The following EPHX1 variants were observed in gnomAD, a reference collection of about 807,000 sequenced individuals.
The protein encoded by EPHX1 is epoxide hydratase.
In EPHX1, 40 loss-of-function variants were observed where a neutral mutation model predicts 43.2. The observed-to-expected ratio is 0.93, with a 90% confidence interval of 0.72 to 1.21. EPHX1 has a LOEUF of 1.21. Among genes scored for constraint, EPHX1 ranks in the 50% most tolerant of loss-of-function variants. The pLI, the probability that EPHX1 is intolerant of heterozygous loss-of-function variation, is 0.00. For synonymous variants in EPHX1, 221 were observed against 226.7 expected (o/e 0.98, Z 0.22); for missense variants, 550 against 570.4 (o/e 0.96, Z 0.36).
chr1:225,827,234 C>T (rs948903212), intron 1 of EPHX1, among the ~76,000 whole-genome samples: 1 of 152,098 alleles, frequency 6.6e-6, no homozygotes, highest in African/African-American at 2.4e-5. Context: ...CACCTCCTGC[C>T]TTGGGTTTCC....
In EPHX1 at chr1:225,844,600, C is replaced by T. The variant is rs777035990; in HGVS notation, c.1143C>T (p.Gly381=). Residue 381 remains glycine (G), a synonymous_variant, in exon 8 of 9, where the codon GGC becomes GGT. Coordinates refer to ENST00000272167, the MANE Select transcript of EPHX1 (RefSeq NM_001136018.4). Reference sequence around the variant, plus strand: ...TCTACAAGGAGAACCTGGGACAGGGCTGGATGACCCAGAAGCATGAGCGGT... The same window carrying T: ...TCTACAAGGAGAACCTGGGACAGGGTTGGATGACCCAGAAGCATGAGCGGT... ...QRFYKENLGQ[G]WMTQKHERMK... is the part of the protein sequence containing the mutation. 46 of 1,614,172 alleles carry T rather than the reference C, an allele frequency of 2.8e-5. No homozygotes were observed. Among genetic ancestry groups the T allele is most frequent in the Non-Finnish European group, 3.6e-5 (42 of 1,180,032 alleles).
intron 1 of EPHX1, among the ~76,000 whole-genome samples, chr1:225,822,242 A>C (rs946799166): frequency 5.3e-5 from 8 of 152,192 alleles, no homozygotes; most frequent in Non-Finnish European, 1.2e-4. Flanking sequence ...TTTTTAAAAA[A>C]AATCATGCTG....
chr1:225,811,018 C>T (rs1666453931), intron 1 of EPHX1, among the ~76,000 whole-genome samples: 2 of 152,314 alleles, frequency 1.3e-5, no homozygotes, highest in Admixed American at 1.3e-4. Flanking sequence ...CTTTCATCTC[C>T]ATCTGCTGCC....
In EPHX1 at chr1:225,810,138, C is replaced by CCTG. The variant is rs1666394857; in HGVS notation, c.-35_-33dup. 4.0e-5 allele frequency: 6 copies of CCTG among 151,884 alleles called. No individual in the cohort carries two copies. The highest frequency in any genetic ancestry group is 3.4e-3 in the Middle Eastern group (1 of 292). 9.4% of individuals were successfully genotyped at this position (151,884 alleles called of 1,614,324 possible). ...GCCAGGGAGCCGGAGAGATCGCGCG[C>CCTG]CTGCCGCCGCCGGAGCCTGCGAGCC... On this transcript the variant is annotated 5_prime_UTR_variant, in exon 1 of 9. Transcript: ENST00000272167.
At chr1:225,822,340 C>T (rs1667015788) in intron 1 of EPHX1, among the ~76,000 whole-genome samples, 1 of 152,164 alleles carries the variant, frequency 6.6e-6, no homozygotes, top group African/African-American at 2.4e-5. Flanking sequence ...AAAATGATTT[C>T]ATTCTGAAAG....
In EPHX1 at chr1:225,817,413, G is replaced by A. The variant is rs1666775395; in HGVS notation, c.-6+7244G>A. On this transcript the variant is annotated intron_variant, in intron 1 of 8. Coordinates refer to ENST00000272167, the MANE Select transcript of EPHX1 (RefSeq NM_001136018.4). This position sits in a 1 kb window ranked among gnomAD's most constrained non-coding sequence, Gnocchi z 5.7. ...TGCGTCCGCTTGGCAGGCAGGCCAG[G>A]AATGGGAGGGAAGCCATCCGTTTTT... is the stretch of plus-strand genomic sequence containing the variant. Among the ~76,000 whole-genome samples the A allele has an allele frequency of 6.6e-6, 1 of 152,224 alleles. No homozygotes were observed. The highest frequency in any genetic ancestry group is 1.5e-5 in the Non-Finnish European group (1 of 68,028).
intron 1 of EPHX1, among the ~76,000 whole-genome samples, chr1:225,810,939 A>T (rs994577061): frequency 1.3e-5 from 2 of 152,228 alleles, no homozygotes; most frequent in Non-Finnish European, 2.9e-5. Context: ...GGTGCAGGCC[A>T]CAGGGGATAT....
At chr1:225,828,538 CTATA>C (rs1399235859) in intron 1 of EPHX1, among the ~76,000 whole-genome samples, 183 bp from the exon 2 acceptor site, 4 of 147,776 alleles carry the variant, frequency 2.7e-5, no homozygotes, top group African/African-American at 9.9e-5. Context: ...AATATTTATA[CTATA>C]TATAATATGT....
At chr1:225,811,286 T>C (rs1003241938) in intron 1 of EPHX1, among the ~76,000 whole-genome samples, 9 of 152,088 alleles carry the variant, frequency 5.9e-5, no homozygotes, top group Non-Finnish European at 1.2e-4. Flanking sequence ...CTAGCAATGT[T>C]GTAATCCTAA....
At chr1:225,830,979 A>G (rs1245703692) in intron 2 of EPHX1, among the ~76,000 whole-genome samples, 1 of 152,192 alleles carries the variant, frequency 6.6e-6, no homozygotes, top group African/African-American at 2.4e-5. Context: ...TAGCAGTCAG[A>G]TTTCAGTGTC....
At chr1:225,815,883 G>A (rs1257817952) in intron 1 of EPHX1, among the ~76,000 whole-genome samples, 1 of 152,174 alleles carries the variant, frequency 6.6e-6, no homozygotes, top group Non-Finnish European at 1.5e-5. Context: ...GACACCTTGG[G>A]GAGAAGGGGG....
chr1:225,845,256 T>G lies in EPHX1; in HGVS notation c.1277T>G (p.Met426Arg). ...CCAAAGCTCATCTCCTATTCCTACATGGTTCGTGGGGGCCACTTTGCGGCC... is the reference window on the plus strand; with the variant it reads ...CCAAAGCTCATCTCCTATTCCTACAGGGTTCGTGGGGGCCACTTTGCGGCC... ...KYPKLISYSY[M>R]VRGGHFAAFE... The change falls in exon 9 of 9, where the codon ATG becomes AGG. Residue 426 changes from methionine to arginine, a missense_variant. Coordinates refer to ENST00000272167, the MANE Select transcript of EPHX1 (RefSeq NM_001136018.4). The G allele has an allele frequency of 6.2e-7, 1 of 1,613,926 alleles. No individual in the cohort carries two copies. The highest frequency in any genetic ancestry group is 1.1e-5 in the South Asian group (1 of 91,072).
chr1:225,832,143 TC>T, intron 3 of EPHX1, 184 bp downstream of exon 3: 1 of 678,394 alleles, frequency 1.5e-6, no homozygotes, highest in Admixed American at 2.1e-5. Context: ...AATCTGTCCA[TC>T]TTTAGAGCTA....
Position 225,845,547 on chromosome 1 carries a change from A to C in EPHX1, c.*200A>C. 1 of 618,374 alleles carries C rather than the reference A, an allele frequency of 1.6e-6. No homozygotes were observed. The allele number at this position is 618,374 out of a possible 1,614,324, so 38.3% of individuals were successfully genotyped here. On this transcript the variant is annotated 3_prime_UTR_variant, in exon 9 of 9. Transcript: ENST00000272167. ...GTAAGCAACATGGCTTTGATGATAAACGACTTTACTCTAAAAGCGGCTGGA... is the reference window on the plus strand; with the variant it reads ...GTAAGCAACATGGCTTTGATGATAACCGACTTTACTCTAAAAGCGGCTGGA...
chr1:225,835,135 C>A (rs1184131281), intron 3 of EPHX1, among the ~76,000 whole-genome samples: 1 of 152,130 alleles, frequency 6.6e-6, no homozygotes, highest in Non-Finnish European at 1.5e-5. Context: ...TGTTCAAAGG[C>A]CCAGAGGCAG....
chr1:225,838,861 CAGAGGCATCCTCCA>C lies in EPHX1; in HGVS notation c.576_589del (p.Ala193GlyfsTer37). 1.2e-6 allele frequency: 2 copies of C among 1,614,188 alleles called. No individual in the cohort carries two copies. The highest frequency in any genetic ancestry group is 1.7e-6 in the Non-Finnish European group (2 of 1,180,022). On this transcript the variant is annotated frameshift_variant, in exon 4 of 9. Coordinates refer to ENST00000272167, the MANE Select transcript of EPHX1 (RefSeq NM_001136018.4). LOFTEE classifies it high-confidence loss of function. ...CCTTCCATCCCTGGCTATGGCTTCT[CAGAGGCATCCTCCA>C]AGAAGGGTACGGGGCTGCTAGAGGT... is the stretch of plus-strand genomic sequence containing the variant.
intron 3 of EPHX1, among the ~76,000 whole-genome samples, chr1:225,836,062 A>AGAT (rs1260207933): frequency 1.3e-5 from 2 of 152,136 alleles, no homozygotes; most frequent in African/African-American, 4.8e-5. Context: ...AAAAAAAAAG[A>AGAT]GATTCTAAAA....
At chr1:225,831,677 T>C (rs1667610055) in intron 2 of EPHX1, 102 bp from the exon 3 acceptor site, 2 of 1,192,486 alleles carry the variant, frequency 1.7e-6, no homozygotes, top group Non-Finnish European at 2.5e-6. Context: ...GAGGGCAGTA[T>C]CTTGTGGCTG....
At chr1:225,828,115 G>A (rs1667347095) in intron 1 of EPHX1, among the ~76,000 whole-genome samples, 1 of 152,204 alleles carries the variant, frequency 6.6e-6, no homozygotes, top group South Asian at 2.1e-4. Flanking sequence ...GGAGGCCGAG[G>A]CGGGCGGATC....
Sources: allele counts gnomAD v4.1 joint callset (sites outside exome capture counted in the v4.1 genomes callset), GRCh38; gene constraint gnomAD v4.1.1; non-coding constraint Gnocchi (gnomAD v3.1); transcripts MANE v1.5; gene names NCBI Gene and HGNC (gene_info 2026-07-23, HGNC 2026-07-21).